Variants in NPR3 observed in about 807,000 individuals in gnomAD.
NPR3 encodes the protein atrial natriuretic peptide receptor 3.
A neutral mutation model predicts 54.5 loss-of-function variants in NPR3; 34 were observed. The observed-to-expected ratio is 0.62, with a 90% confidence interval of 0.47 to 0.83. NPR3 has a LOEUF of 0.83. Among genes scored for constraint, NPR3 ranks in the 40% least tolerant of loss-of-function variants. The pLI is 0.00. For synonymous variants in NPR3, 289 were observed against 297.1 expected, an observed-to-expected ratio of 0.97 and a Z score of 0.28; for missense variants, 674 against 720.8, an observed-to-expected ratio of 0.94 and a Z score of 0.74.
At chr5:32,738,786 G>A (rs1739885359) in intron 2 of NPR3, 78 bp from the exon 3 acceptor site, 6 of 1,266,226 alleles carry the variant, frequency 4.7e-6, no homozygotes, top group South Asian at 1.4e-5. Flanking sequence ...ATGCGGGGGC[G>A]CCTCACAGTT....
chr5:32,707,913 A>G (rs1240505755), upstream of NPR3, among the ~76,000 whole-genome samples: 1 of 151,628 alleles, frequency 6.6e-6, no homozygotes, highest in Non-Finnish European at 1.5e-5. Context: ...TTCATTTCAT[A>G]GAGCTGGAAA....
Position 32,789,122 on chromosome 5 carries a change from C to T in NPR3, c.*2777C>T. On this transcript the variant is annotated 3_prime_UTR_variant, in exon 8 of 8. Transcript: ENST00000265074. ...CTTAAGTAATTCTATAGGATTTTAC[C>T]CTGAAATCCAGGGTGTTCAGATTTC... 1 of 189,358 alleles carries T rather than the reference C, an allele frequency of 5.3e-6. No individual in the cohort carries two copies. Among genetic ancestry groups the T allele is most frequent in the Non-Finnish European group, 1.1e-5 (1 of 90,174 alleles). The allele number at this position is 189,358 out of a possible 1,614,324, so 11.7% of individuals were successfully genotyped here.
chr5:32,728,837 GTATATATAT>G (rs1739283904), intron 2 of NPR3, among the ~76,000 whole-genome samples: 1 of 48,004 alleles, frequency 2.1e-5, no homozygotes, highest in Non-Finnish European at 3.6e-5. Flanking sequence ...GTGTGTGTGT[GTATATATAT>G]ATATATATAT....
At chr5:32,722,963 G>A (rs1393241085) in intron 1 of NPR3, among the ~76,000 whole-genome samples, 1 of 152,116 alleles carries the variant, frequency 6.6e-6, no homozygotes, top group Non-Finnish European at 1.5e-5. Flanking sequence ...GAGCTTTTAT[G>A]CTGTACACCG....
chr5:32,711,919 T>A lies in NPR3; in HGVS notation c.143T>A (p.Leu48Gln). The change falls in exon 1 of 8, where the codon CTG (leucine) becomes CAG (glutamine). Residue 48 changes from leucine to glutamine, a missense_variant. Transcript: ENST00000265074. ...GGCGGACGCCAGGAGAGAGAGGCGC[T>A]GCCGCCACAGAAGATCGAGGTGCTG... ...IGGGRQEREA[L>Q]PPQKIEVLVL... is the part of the protein sequence containing the mutation. 1 of 1,498,564 alleles carries A rather than the reference T, an allele frequency of 6.7e-7. No individual in the cohort carries two copies. Among genetic ancestry groups the A allele is most frequent in the Middle Eastern group, 1.8e-4 (1 of 5,700 alleles). 92.8% of individuals were successfully genotyped at this position (1,498,564 alleles called of 1,614,324 possible).
intron 2 of NPR3, among the ~76,000 whole-genome samples, chr5:32,736,250 A>AAAAAAAAAAAAAAAG (rs1561096979): frequency 2.3e-5 from 3 of 128,568 alleles, no homozygotes; most frequent in African/African-American, 3.3e-5. Context: ...AAAAAAAAAG[A>AAAAAAAAAAAAAAAG]AAAAAAAAAG....
chr5:32,730,122 C>G (rs56657226), intron 2 of NPR3, among the ~76,000 whole-genome samples: 1 of 151,728 alleles, frequency 6.6e-6, no homozygotes, highest in Non-Finnish European at 1.5e-5. Context: ...TATGACCAAG[C>G]GGGGTTTATC....
intron 3 of NPR3, among the ~76,000 whole-genome samples, chr5:32,767,875 A>C (rs1040743064): frequency 2.0e-5 from 3 of 152,224 alleles, no homozygotes; most frequent in Non-Finnish European, 4.4e-5. Flanking sequence ...TTAAGAGGGT[A>C]TCATGAAGTC....
intron 3 of NPR3, among the ~76,000 whole-genome samples, chr5:32,762,500 G>A (rs986734074): frequency 7.0e-6 from 1 of 142,054 alleles, no homozygotes. Context: ...CTGGCGTGAG[G>A]TGGTATCTCA....
At chr5:32,725,063 G>A (rs1278795974) in intron 2 of NPR3, among the ~76,000 whole-genome samples, 1 of 152,150 alleles carries the variant, frequency 6.6e-6, no homozygotes, top group East Asian at 1.9e-4. Context: ...ACAAGTGGGA[G>A]CTAAACATTG....
rs2111843383 is a variant in NPR3, at chr5:32,712,536, A to G, written c.760A>G (p.Ser254Gly). 6.6e-7 allele frequency: 1 copy of G among 1,521,858 alleles called. No homozygotes were observed. The highest frequency in any genetic ancestry group is 2.0e-5 in the Admixed American group (1 of 51,244). The allele number at this position is 1,521,858 out of a possible 1,614,324, so 94.3% of individuals were successfully genotyped here. The change falls in exon 1 of 8, where the codon AGT becomes GGT. Residue 254 changes from serine to glycine, a missense_variant. Ser to Gly is a moderately conservative substitution (Grantham distance 56, BLOSUM62 0). Coordinates refer to ENST00000265074, the MANE Select transcript of NPR3 (RefSeq NM_001204375.2). ...AGACATCGTGCGCAATATCCAGGCCAGTGAGAGAGGTGAGCAGGGGCGCGT... is the reference window on the plus strand; with the variant it reads ...AGACATCGTGCGCAATATCCAGGCCGGTGAGAGAGGTGAGCAGGGGCGCGT... ...LEDIVRNIQA[S>G]ERVVIMCASS...
intron 3 of NPR3, among the ~76,000 whole-genome samples, chr5:32,741,005 C>T (rs1740009894): frequency 6.6e-6 from 1 of 151,412 alleles, no homozygotes; most frequent in Non-Finnish European, 1.5e-5. Context: ...TTATTGAAAA[C>T]ATCAAACTCT....
At chr5:32,716,122 C>A (rs2111858890) in intron 1 of NPR3, among the ~76,000 whole-genome samples, 1 of 152,244 alleles carries the variant, frequency 6.6e-6, no homozygotes, top group South Asian at 2.1e-4. Flanking sequence ...AATAAAGATG[C>A]AATCTCCATT....
At chr5:32,719,224 C>T (rs1738719905) in intron 1 of NPR3, among the ~76,000 whole-genome samples, 1 of 152,078 alleles carries the variant, frequency 6.6e-6, no homozygotes, top group African/African-American at 2.4e-5. Context: ...ACAATTGCCA[C>T]TCTGGGTTCT....
rs1260537673 is a variant in NPR3, at chr5:32,786,475, T to C, written c.*130T>C. The C allele has an allele frequency of 3.4e-5, 22 of 644,596 alleles. No individual in the cohort carries two copies. The highest frequency in any genetic ancestry group is 8.3e-6 in the Non-Finnish European group (3 of 360,718). The allele number at this position is 644,596 out of a possible 1,614,324, so 39.9% of individuals were successfully genotyped here. ...TTTTAAGCAGTTAGTAATTTCATTT[T>C]AAAATTTCTGTAGAAGCTCAGGAAT... On this transcript the variant is annotated 3_prime_UTR_variant, in exon 8 of 8. Coordinates refer to ENST00000265074, the MANE Select transcript of NPR3 (RefSeq NM_001204375.2).
chr5:32,769,114 A>G (rs981386433), intron 3 of NPR3, among the ~76,000 whole-genome samples: 5 of 152,188 alleles, frequency 3.3e-5, no homozygotes, highest in Non-Finnish European at 5.9e-5. Context: ...GTCAGTAAGA[A>G]AGAGACCTCC....
At chr5:32,765,150 G>C (rs896140172) in intron 3 of NPR3, among the ~76,000 whole-genome samples, 1 of 152,164 alleles carries the variant, frequency 6.6e-6, no homozygotes, top group African/African-American at 2.4e-5. Flanking sequence ...AATAGTTATA[G>C]CGTGAGCATC....
intron 1 of NPR3, among the ~76,000 whole-genome samples, chr5:32,717,185 A>G (rs1204778753): frequency 6.6e-6 from 1 of 152,156 alleles, no homozygotes; most frequent in Non-Finnish European, 1.5e-5. Flanking sequence ...ACATGAACTC[A>G]GCCTTTTTGT....
intron 1 of NPR3, among the ~76,000 whole-genome samples, chr5:32,700,132 A>G (rs2111815526): frequency 1.3e-5 from 2 of 152,194 alleles, no homozygotes; most frequent in East Asian, 1.9e-4. Flanking sequence ...TCCTTTCTTT[A>G]ACCTTGACCA....
Sources: gnomAD v4.1 joint callset for allele counts (sites outside exome capture counted in the v4.1 genomes callset) on GRCh38, gnomAD v4.1.1 for gene constraint, MANE v1.5 for transcripts, NCBI Gene and HGNC (gene_info 2026-07-23, HGNC 2026-07-21) for gene names.